The following SGCD variants were observed in gnomAD, a reference collection of about 807,000 sequenced individuals.
SGCD encodes the protein sarcoglycan delta, also known as delta-sarcoglycan.
A neutral mutation model predicts 36.6 loss-of-function variants in SGCD; 18 were observed. The ratio of observed to expected loss-of-function variants is 0.49; its 90% CI spans 0.34 to 0.73. The LOEUF (loss-of-function observed/expected upper bound fraction) is 0.73, where lower values mean the gene tolerates loss of function less well. SGCD is among the 30% of genes least tolerant of loss of function. SGCD has a pLI of 0.01. For synonymous variants in SGCD, 133 were observed against 130.6 expected, an observed-to-expected ratio of 1.02 and a Z score of -0.12; for missense variants, 387 against 346.7, an observed-to-expected ratio of 1.12 and a Z score of -0.92.
At chr5:156,101,101 A>G (rs973808323) in intron 1 of SGCD, among the ~76,000 whole-genome samples, 4 of 152,324 alleles carry the variant, frequency 2.6e-5, no homozygotes, top group Non-Finnish European at 4.4e-5. Flanking sequence ...AATGAGGGCA[A>G]TTGCCAAAAC....
At chr5:155,976,191 A>G (rs1168994279) in intron 1 of SGCD, among the ~76,000 whole-genome samples, 3 of 152,220 alleles carry the variant, frequency 2.0e-5, no homozygotes, top group Non-Finnish European at 4.4e-5. Flanking sequence ...ACTGGAAATC[A>G]CTAGGAAGGG....
the SGCD span, among the ~76,000 whole-genome samples, chr5:155,813,159 A>C: frequency 6.6e-6 from 1 of 151,998 alleles, no homozygotes; most frequent in Middle Eastern, 3.2e-3. Context: ...GGGATGCGAG[A>C]GGAGGTTAGA....
rs1393267541 is a variant in SGCD at position 156,595,061 on chromosome 5, CTT to C, written c.502+11_502+12del. 6.2e-7 allele frequency: 1 copy of C among 1,606,214 alleles called. No homozygotes were observed. The highest frequency in any genetic ancestry group is 1.7e-5 in the Admixed American group (1 of 58,904). On this transcript the variant is annotated intron_variant, in intron 6 of 8. Transcript: ENST00000337851. ...AGATTACGAGTTTTAGGTAAGGAAA[CTT>C]GAATCATTTAACTTGTTTGATGCTA...
At chr5:155,906,659 C>T (rs952663694) in intron 1 of SGCD, among the ~76,000 whole-genome samples, 8 of 152,132 alleles carry the variant, frequency 5.3e-5, no homozygotes, top group Non-Finnish European at 8.8e-5. Context: ...CCCTAACTCT[C>T]TTTAATTCTT....
rs115043645 is a variant in SGCD, at chr5:156,483,886, C to A, written c.193-24715C>A. Among the ~76,000 whole-genome samples the A allele has an allele frequency of 5.2e-3, 788 of 152,270 alleles. 7 individuals are homozygous for A. The highest frequency in any genetic ancestry group is 0.018 in the African/African-American group (732 of 41,558). Reference sequence around the variant, plus strand: ...TCAGAGCAAGTGCACTGAGCTAAATCGAGATGAAAGAGGCAATAATCTGCT... The same window carrying A: ...TCAGAGCAAGTGCACTGAGCTAAATAGAGATGAAAGAGGCAATAATCTGCT... On this transcript the variant is annotated intron_variant, in intron 3 of 8. Coordinates refer to ENST00000337851, the MANE Select transcript of SGCD (RefSeq NM_000337.6).
intron 7 of SGCD, among the ~76,000 whole-genome samples, chr5:156,710,089 C>T (rs1754920665): frequency 6.6e-6 from 1 of 151,994 alleles, no homozygotes. Flanking sequence ...TAGTCTTATC[C>T]ACCAAAGGTT....
intron 3 of SGCD, among the ~76,000 whole-genome samples, chr5:156,429,265 C>CTTTTTTT (rs3074973): frequency 8.1e-6 from 1 of 123,796 alleles, no homozygotes; most frequent in African/African-American, 2.9e-5. Flanking sequence ...CCCTCATTGT[C>CTTTTTTT]TTTTTTTTTT....
intron 4 of SGCD, among the ~76,000 whole-genome samples, chr5:156,521,801 C>CTA (rs1221745664): frequency 6.6e-5 from 10 of 152,080 alleles, no homozygotes; most frequent in African/African-American, 2.4e-4. Context: ...TCCTCAAAGA[C>CTA]CTGGAACTAA....
chr5:155,733,048 G>A, the SGCD span, among the ~76,000 whole-genome samples: 4 of 143,808 alleles, frequency 2.8e-5, no homozygotes, highest in East Asian at 2.1e-4. Flanking sequence ...GTGCCAAGTC[G>A]GAAAGCACTT....
At chr5:156,210,181 C>G (rs1024622350) in intron 3 of SGCD, among the ~76,000 whole-genome samples, 1 of 152,094 alleles carries the variant, frequency 6.6e-6, no homozygotes, top group Non-Finnish European at 1.5e-5. Context: ...ACCCATCTGC[C>G]GACCCAGGCA....
At chr5:155,989,422 G>T (rs74907478) in intron 1 of SGCD, among the ~76,000 whole-genome samples, 144 of 152,212 alleles carry the variant, frequency 9.5e-4, no homozygotes, top group Non-Finnish European at 1.6e-3. Context: ...ACAAAAACAG[G>T]TTCTTAGTTT....
intron 3 of SGCD, among the ~76,000 whole-genome samples, chr5:156,187,695 CT>C (rs1763796742): frequency 6.6e-6 from 1 of 151,966 alleles, no homozygotes; most frequent in East Asian, 1.9e-4. Flanking sequence ...GCTGTTATAA[CT>C]TTGTTAGGGA....
In SGCD at chr5:156,174,669, T is replaced by A. The variant is rs1338255142; in HGVS notation, c.-44+50650T>A. 2.6e-5 allele frequency among the ~76,000 whole-genome samples: 4 copies of A among 152,192 alleles called. No homozygotes were observed. In the East Asian group the frequency reaches 7.7e-4, roughly 29 times the overall value. On this transcript the variant is annotated intron_variant, in intron 3 of 9. Coordinates refer to the SGCD transcript ENST00000517913. ...CAACAGCCACAATATAGGGTTATGGTACATAAAGTGAGGGCAATGAGAATG... is the reference window on the plus strand; with the variant it reads ...CAACAGCCACAATATAGGGTTATGGAACATAAAGTGAGGGCAATGAGAATG...
chr5:155,770,153 C>A, the SGCD span, among the ~76,000 whole-genome samples: 2 of 152,218 alleles, frequency 1.3e-5, no homozygotes, highest in African/African-American at 4.8e-5. Flanking sequence ...ACCCCTGTCC[C>A]CTCCCCAGGC....
chr5:155,897,034 A>G (rs1485187610), intron 1 of SGCD, among the ~76,000 whole-genome samples: 1 of 152,186 alleles, frequency 6.6e-6, no homozygotes, highest in Non-Finnish European at 1.5e-5. Flanking sequence ...ATTTTCTAGA[A>G]GAGATGTTCC....
intron 3 of SGCD, among the ~76,000 whole-genome samples, chr5:156,250,204 T>C (rs1765540910): frequency 2.6e-5 from 4 of 152,218 alleles, no homozygotes; most frequent in Admixed American, 6.5e-5. Context: ...ACATAATTTA[T>C]AAAGAAACAT....
intron 3 of SGCD, among the ~76,000 whole-genome samples, chr5:156,370,917 G>A (rs1023211798): frequency 2.0e-5 from 3 of 152,060 alleles, no homozygotes; most frequent in Admixed American, 1.3e-4. Context: ...GAGGCTGAGG[G>A]AGGAATTACT....
intron 3 of SGCD, among the ~76,000 whole-genome samples, chr5:156,238,991 A>G (rs1376113896): frequency 1.3e-5 from 2 of 152,252 alleles, no homozygotes; most frequent in East Asian, 3.9e-4. Context: ...GACATTCTGA[A>G]TGGTGGCTCA....
intron 4 of SGCD, among the ~76,000 whole-genome samples, chr5:156,558,705 C>T (rs1038318500): frequency 8.6e-5 from 13 of 151,990 alleles, no homozygotes; most frequent in Non-Finnish European, 1.6e-4. Context: ...GAATTACTGA[C>T]CTTTAATTTT....
Sources: gnomAD v4.1 joint callset for allele counts (sites outside exome capture counted in the v4.1 genomes callset) on GRCh38, gnomAD v4.1.1 for gene constraint, MANE v1.5 for transcripts, NCBI Gene and HGNC (gene_info 2026-07-23, HGNC 2026-07-21) for gene names.